Variants in GRID2 observed in about 807,000 individuals in gnomAD.
The protein encoded by GRID2 is glutamate ionotropic receptor delta type subunit 2.
Under a neutral mutation model 114.8 loss-of-function variants are expected in GRID2, and 33 were observed. That is an observed-to-expected ratio of 0.29 (90% CI 0.22 to 0.38). GRID2 has a LOEUF of 0.38. Among genes scored for constraint, GRID2 ranks in the 10% least tolerant of loss-of-function variants. The pLI is 1.00. For missense variants in GRID2, 1,184 were observed against 1,257.7 expected (o/e 0.94, Z 0.89); for synonymous variants, 505 against 449.9 (o/e 1.12, Z -1.55).
chr4:92,351,490 T>A (rs2110184073), intron 1 of GRID2, among the ~76,000 whole-genome samples: 1 of 151,946 alleles, frequency 6.6e-6, no homozygotes. Flanking sequence ...CAAATATTTA[T>A]CATTTGTTTG....
At chr4:92,402,457 T>A (rs749427305) in intron 1 of GRID2, among the ~76,000 whole-genome samples, 17 of 152,216 alleles carry the variant, frequency 1.1e-4, no homozygotes, top group Non-Finnish European at 1.8e-4. Flanking sequence ...AAGTTTGTAT[T>A]ACTATTTGAT....
At chr4:93,596,469 T>C (rs1739102241) in intron 13 of GRID2, among the ~76,000 whole-genome samples, 1 of 151,862 alleles carries the variant, frequency 6.6e-6, no homozygotes, top group Non-Finnish European at 1.5e-5. Context: ...TCCCAGCTAC[T>C]CGGGAGGCTG....
chr4:93,615,639 C>CAAA (rs58667569), intron 13 of GRID2, among the ~76,000 whole-genome samples: 2 of 117,458 alleles, frequency 1.7e-5, no homozygotes, highest in African/African-American at 6.0e-5. Context: ...GCCTTCACCC[C>CAAA]AAAAAAAAAA....
chr4:92,648,657 C>T (rs115859860), intron 2 of GRID2, among the ~76,000 whole-genome samples: 2,661 of 148,878 alleles, frequency 0.018, 276 homozygotes, highest in African/African-American at 0.064. Context: ...GTCAAACAAG[C>T]GGTTGATAAA....
intron 1 of GRID2, among the ~76,000 whole-genome samples, chr4:92,490,358 A>G (rs1246394052): frequency 1.3e-5 from 2 of 152,190 alleles, no homozygotes; most frequent in Admixed American, 1.3e-4. Flanking sequence ...CTGGAATGCC[A>G]GTTTTCTTAT....
At chr4:93,592,493 G>A (rs1200984262) in intron 13 of GRID2, among the ~76,000 whole-genome samples, 5 of 152,100 alleles carry the variant, frequency 3.3e-5, no homozygotes, top group Non-Finnish European at 5.9e-5. Context: ...GGTCAATTTT[G>A]GAATAGGTGT....
chr4:93,036,227 A>G (rs539577428), intron 2 of GRID2, among the ~76,000 whole-genome samples: 1 of 152,234 alleles, frequency 6.6e-6, no homozygotes, highest in East Asian at 1.9e-4. Context: ...GGTGCACTGA[A>G]AAAAATCTAT....
chr4:92,757,118 A>G (rs1737756482), intron 2 of GRID2, among the ~76,000 whole-genome samples: 1 of 151,974 alleles, frequency 6.6e-6, no homozygotes, highest in Admixed American at 6.6e-5. Flanking sequence ...ATTTTAGTGG[A>G]TTATTGTATT....
At chr4:92,427,793 A>AT (rs1732233852) in intron 1 of GRID2, among the ~76,000 whole-genome samples, 2 of 152,106 alleles carry the variant, frequency 1.3e-5, no homozygotes, top group Admixed American at 1.3e-4. Flanking sequence ...AGTTTTATAG[A>AT]TTTTCTTATC....
rs1324453423 is a variant in GRID2 at position 92,939,744 on chromosome 4, A to G, written c.245-145251A>G. 2.0e-5 allele frequency among the ~76,000 whole-genome samples: 3 copies of G among 147,352 alleles called. 1 individual carries two copies. The highest frequency in any genetic ancestry group is 4.5e-5 in the Non-Finnish European group (3 of 66,562). ...ATCCATCATGAATTAATTTTGGTAT[A>G]AGGTGTAAGGAAGGGATCCAGTTTC... is the stretch of plus-strand genomic sequence containing the variant. On this transcript the variant is annotated intron_variant, in intron 2 of 15. Coordinates refer to ENST00000282020, the MANE Select transcript of GRID2 (RefSeq NM_001510.4).
At chr4:92,993,568 C>T (rs1190388104) in intron 2 of GRID2, among the ~76,000 whole-genome samples, 7 of 152,162 alleles carry the variant, frequency 4.6e-5, no homozygotes, top group Non-Finnish European at 7.4e-5. Context: ...CATCTCTTCT[C>T]CCATATTTCT....
chr4:93,042,609 TTCTCTC>T (rs35806940), intron 2 of GRID2, among the ~76,000 whole-genome samples: 42 of 122,892 alleles, frequency 3.4e-4, no homozygotes, highest in African/African-American at 1.2e-3. Flanking sequence ...GATGAATCTT[TTCTCTC>T]TCTCTCTCTC....
At chr4:92,315,381 T>C (rs1725914061) in intron 1 of GRID2, among the ~76,000 whole-genome samples, 1 of 152,054 alleles carries the variant, frequency 6.6e-6, no homozygotes, top group South Asian at 2.1e-4. Context: ...TAGCAATGAC[T>C]CACAAAAAAA....
chr4:92,620,605 T>C (rs1168761482), intron 2 of GRID2, among the ~76,000 whole-genome samples: 2 of 151,246 alleles, frequency 1.3e-5, no homozygotes, highest in Admixed American at 6.6e-5. Context: ...TTCATATTTA[T>C]TGAATTGTTA....
At chr4:93,542,737 A>AGG (rs1279677092) in intron 13 of GRID2, among the ~76,000 whole-genome samples, 1 of 152,180 alleles carries the variant, frequency 6.6e-6, no homozygotes, top group Non-Finnish European at 1.5e-5. Context: ...CAGGGCACCC[A>AGG]GCCTCTGCCT....
chr4:93,168,401 T>A (rs1219684997), intron 4 of GRID2, among the ~76,000 whole-genome samples: 1 of 152,150 alleles, frequency 6.6e-6, no homozygotes, highest in Non-Finnish European at 1.5e-5. Flanking sequence ...TTTCTCTCAC[T>A]AGCTATACGT....
intron 2 of GRID2, among the ~76,000 whole-genome samples, chr4:92,635,611 G>C (rs909496399): frequency 5.3e-5 from 8 of 151,786 alleles, no homozygotes; most frequent in African/African-American, 1.9e-4. Context: ...TATACCTTTA[G>C]GAAAGAAAAT....
At chr4:92,871,523 C>T (rs1745277767) in intron 2 of GRID2, among the ~76,000 whole-genome samples, 1 of 152,050 alleles carries the variant, frequency 6.6e-6, no homozygotes, top group African/African-American at 2.4e-5. Flanking sequence ...AAAACCATGT[C>T]CTGGTATTTA....
chr4:93,261,843 TTC>T (rs1750289728), intron 8 of GRID2, among the ~76,000 whole-genome samples: 1 of 151,660 alleles, frequency 6.6e-6, no homozygotes, highest in Non-Finnish European at 1.5e-5. Flanking sequence ...CTTTTGCATA[TTC>T]TTCCTTGTTT....
Sources: gnomAD v4.1 joint callset for allele counts (sites outside exome capture counted in the v4.1 genomes callset) on GRCh38, gnomAD v4.1.1 for gene constraint, MANE v1.5 for transcripts, NCBI Gene and HGNC (gene_info 2026-07-23, HGNC 2026-07-21) for gene names.